PDZRN4: variants seen among roughly 807,000 people sequenced by gnomAD.
The protein encoded by PDZRN4 is PDZ domain containing ring finger 4.
PDZRN4 carries 70 observed loss-of-function variants against 99.0 expected under a neutral mutation model. That is an observed-to-expected ratio of 0.71 (90% CI 0.58 to 0.86). The LOEUF is 0.86. Among genes scored for constraint, PDZRN4 ranks in the 40% least tolerant of loss-of-function variants. PDZRN4 has a pLI of 0.00. For missense variants in PDZRN4, 1,474 were observed against 1,331.2 expected, an observed-to-expected ratio of 1.11 and a Z score of -1.67; for synonymous variants, 551 against 501.6, an observed-to-expected ratio of 1.10 and a Z score of -1.32.
chr12:41,444,818 G>A (rs892035507), intron 3 of PDZRN4, among the ~76,000 whole-genome samples: 13 of 152,034 alleles, frequency 8.6e-5, no homozygotes, highest in African/African-American at 2.2e-4. Context: ...TTCAGAGAGT[G>A]ATGATAATAT....
At chr12:41,202,329 G>A (rs1434758703) in intron 3 of PDZRN4, among the ~76,000 whole-genome samples, 1 of 152,078 alleles carries the variant, frequency 6.6e-6, no homozygotes, top group Non-Finnish European at 1.5e-5. Context: ...AGTTTAGGGA[G>A]GTTGTGCTTT....
chr12:41,516,362 T>C (rs572445981), intron 5 of PDZRN4, among the ~76,000 whole-genome samples: 1 of 152,212 alleles, frequency 6.6e-6, no homozygotes, highest in South Asian at 2.1e-4. Flanking sequence ...ATTTGTGTGA[T>C]GAATGAATAA....
At chr12:41,337,860 G>A (rs556689836) in intron 3 of PDZRN4, among the ~76,000 whole-genome samples, 3 of 152,180 alleles carry the variant, frequency 2.0e-5, no homozygotes, top group African/African-American at 7.2e-5. Context: ...GAAGGATGCT[G>A]GGCCATCAAC....
intron 3 of PDZRN4, among the ~76,000 whole-genome samples, chr12:41,209,864 T>C (rs1359363947): frequency 3.3e-5 from 5 of 149,816 alleles, no homozygotes; most frequent in Non-Finnish European, 7.4e-5. Flanking sequence ...ATATACCCAG[T>C]AACGGGATGG....
At chr12:41,493,497 C>T (rs1239220811) in intron 3 of PDZRN4, among the ~76,000 whole-genome samples, 1 of 152,074 alleles carries the variant, frequency 6.6e-6, no homozygotes, top group Non-Finnish European at 1.5e-5. Flanking sequence ...GATGCATCCA[C>T]TTTTTTGCCC....
intron 3 of PDZRN4, among the ~76,000 whole-genome samples, chr12:41,271,468 A>C (rs1397918318): frequency 2.6e-5 from 4 of 151,972 alleles, no homozygotes; most frequent in Non-Finnish European, 5.9e-5. Context: ...TTGCATAATT[A>C]TTTTCTCTTA....
chr12:41,503,018 A>G (rs1938137599), intron 3 of PDZRN4, among the ~76,000 whole-genome samples: 2 of 152,186 alleles, frequency 1.3e-5, no homozygotes, highest in Admixed American at 1.3e-4. Context: ...CAATTGCCAG[A>G]AAATCCCAAT....
At chr12:41,563,428 G>A (rs1939307946) in intron 7 of PDZRN4, 120 bp from the exon 8 acceptor site, 1 of 704,280 alleles carries the variant, frequency 1.4e-6, no homozygotes, top group Non-Finnish European at 2.5e-6. Flanking sequence ...GGCTGAAGAT[G>A]AGCCCATTGT....
At chr12:41,231,591 T>C (rs1483403497) in intron 3 of PDZRN4, among the ~76,000 whole-genome samples, 2 of 152,236 alleles carry the variant, frequency 1.3e-5, no homozygotes, top group African/African-American at 2.4e-5. Flanking sequence ...TCTTAGACTT[T>C]ATAAGAATTT....
intron 3 of PDZRN4, among the ~76,000 whole-genome samples, chr12:41,426,716 G>A (rs1952540300): frequency 1.3e-5 from 2 of 152,132 alleles, no homozygotes; most frequent in Admixed American, 1.3e-4. Flanking sequence ...TTTCAAATTA[G>A]TAACAGATCC....
intron 3 of PDZRN4, among the ~76,000 whole-genome samples, chr12:41,314,569 G>A (rs1951626850): frequency 6.6e-6 from 1 of 152,178 alleles, no homozygotes; most frequent in African/African-American, 2.4e-5. Flanking sequence ...TGAGTATTGA[G>A]TAGAAATATT....
intron 3 of PDZRN4, among the ~76,000 whole-genome samples, chr12:41,315,619 A>G (rs547850323): frequency 6.6e-6 from 1 of 152,236 alleles, no homozygotes; most frequent in African/African-American, 2.4e-5. Context: ...TGATATAATA[A>G]GCTTGTAACA....
At chr12:41,556,420 C>T (rs1939163658) in intron 7 of PDZRN4, among the ~76,000 whole-genome samples, 1 of 152,198 alleles carries the variant, frequency 6.6e-6, no homozygotes, top group African/African-American at 2.4e-5. Context: ...GCTGGCGTAG[C>T]CTACTCTTCC....
At chr12:41,480,742 A>C (rs941567230) in intron 3 of PDZRN4, among the ~76,000 whole-genome samples, 1 of 152,088 alleles carries the variant, frequency 6.6e-6, no homozygotes, top group Non-Finnish European at 1.5e-5. Flanking sequence ...TTGTCAACAG[A>C]AAGCAAGATA....
rs1407130641 is a variant in PDZRN4, at chr12:41,573,905, T to A, written c.*15T>A. The A allele has an allele frequency of 6.6e-7, 1 of 1,503,860 alleles. No individual in the cohort carries two copies. Among genetic ancestry groups the A allele is most frequent in the Non-Finnish European group, 8.9e-7 (1 of 1,122,210 alleles). The allele number at this position is 1,503,860 out of a possible 1,614,324, so 93.2% of individuals were successfully genotyped here. On this transcript the variant is annotated 3_prime_UTR_variant, in exon 10 of 10. Transcript: ENST00000402685. ...CCACTGTATGACCGAATGAATGGAA[T>A]GCATGCGACTGATTTTAGGAGGATG...
intron 3 of PDZRN4, among the ~76,000 whole-genome samples, chr12:41,487,083 G>C (rs1019167201): frequency 1.3e-5 from 2 of 151,942 alleles, no homozygotes; most frequent in Non-Finnish European, 2.9e-5. Flanking sequence ...CATAGCAGTT[G>C]ACACATAATC....
intron 3 of PDZRN4, among the ~76,000 whole-genome samples, chr12:41,221,992 C>A (rs1566371227): frequency 6.6e-6 from 1 of 152,192 alleles, no homozygotes; most frequent in Admixed American, 6.6e-5. Context: ...CAAAGTTTGT[C>A]TTCTAAGATA....
intron 3 of PDZRN4, among the ~76,000 whole-genome samples, chr12:41,292,907 A>G (rs921621882): frequency 6.6e-6 from 1 of 151,826 alleles, no homozygotes; most frequent in East Asian, 2.0e-4. Flanking sequence ...TGAAAAGACC[A>G]ATGTGAATGT....
chr12:41,290,161 TA>T (rs1565542964), intron 3 of PDZRN4, among the ~76,000 whole-genome samples: 1 of 152,210 alleles, frequency 6.6e-6, no homozygotes, highest in Non-Finnish European at 1.5e-5. Context: ...ATCCCTACCA[TA>T]AGCTCAGATG....
Sources: gnomAD v4.1 joint callset for allele counts (sites outside exome capture counted in the v4.1 genomes callset) on GRCh38, gnomAD v4.1.1 for gene constraint, MANE v1.5 for transcripts, NCBI Gene and HGNC (gene_info 2026-07-23, HGNC 2026-07-21) for gene names.